AGAP1: variants seen among roughly 807,000 people sequenced by gnomAD.
The protein encoded by AGAP1 is ArfGAP with GTPase domain, ankyrin repeat and PH domain 1.
Under a neutral mutation model 105.3 loss-of-function variants are expected in AGAP1, and 29 were observed. That is an observed-to-expected ratio of 0.28 (90% CI 0.21 to 0.38). AGAP1 has a LOEUF of 0.38. AGAP1 is among the 10% of genes least tolerant of loss of function. AGAP1 has a pLI of 1.00. For synonymous variants in AGAP1, 509 were observed against 485.9 expected, an observed-to-expected ratio of 1.05 and a Z score of -0.63; for missense variants, 998 against 1,165.1, an observed-to-expected ratio of 0.86 and a Z score of 2.09.
At position 235,644,595 on chromosome 2, in the gene AGAP1, C is replaced by T. The variant is rs73122489; in HGVS notation, c.164-64584C>T. ...CACTTGGAGGGAACCATTCAAACAT[C>T]CCTGTTGGGCTAGCATGAGGAAAAG... On this transcript the variant is annotated intron_variant, in intron 1 of 17. Coordinates refer to ENST00000304032, the MANE Select transcript of AGAP1 (RefSeq NM_001037131.3). Among the ~76,000 whole-genome samples, 1,156 of 152,252 alleles carry T rather than the reference C, an allele frequency of 7.6e-3. 18 individuals carry two copies. The highest frequency in any genetic ancestry group is 0.027 in the African/African-American group (1,120 of 41,558).
chr2:236,071,975 A>C (rs943803015), intron 16 of AGAP1, among the ~76,000 whole-genome samples: 3 of 152,298 alleles, frequency 2.0e-5, no homozygotes, highest in East Asian at 3.9e-4. Flanking sequence ...AAGACACCGG[A>C]TGACTCTCCT....
intron 16 of AGAP1, among the ~76,000 whole-genome samples, chr2:236,070,967 TAGAAAAA>T (rs2058480062): frequency 6.6e-6 from 1 of 152,126 alleles, no homozygotes; most frequent in Non-Finnish European, 1.5e-5. Context: ...GCAAAGCTGT[TAGAAAAA>T]AGAAAAGATA....
intron 1 of AGAP1, chr2:235,669,583 C>T (rs1457464947): frequency 6.8e-6 from 1 of 147,970 alleles, no homozygotes; most frequent in Non-Finnish European, 1.5e-5. Context: ...CGTCGGCCCC[C>T]GTCGCCCGCC....
rs950060504 is a variant in AGAP1, at chr2:235,599,060, T to C, written c.163+104211T>C. 3.3e-5 allele frequency among the ~76,000 whole-genome samples: 5 copies of C among 152,138 alleles called. No individual in the cohort carries two copies. The highest frequency in any genetic ancestry group is 1.2e-4 in the African/African-American group (5 of 41,436). On this transcript the variant is annotated intron_variant, in intron 1 of 17. Transcript: ENST00000304032. This position sits in a 1 kb window ranked among gnomAD's most constrained non-coding sequence, Gnocchi z 5.3. ...CTGCTGTCCTCGGAGCAGGTAGGAATGTATTTATTTACTCGCATGCCTTCA... is the reference window on the plus strand; with the variant it reads ...CTGCTGTCCTCGGAGCAGGTAGGAACGTATTTATTTACTCGCATGCCTTCA...
chr2:235,869,083 G>A (rs190623941), intron 9 of AGAP1, among the ~76,000 whole-genome samples: 3 of 152,288 alleles, frequency 2.0e-5, no homozygotes, highest in African/African-American at 4.8e-5. Context: ...ATAATTTGAG[G>A]TGTCACAAAA....
chr2:235,548,920 T>G (rs1303244723), intron 1 of AGAP1, among the ~76,000 whole-genome samples: 3 of 152,230 alleles, frequency 2.0e-5, no homozygotes, highest in Non-Finnish European at 4.4e-5. Context: ...TTCGCTTATA[T>G]TGCCTTTGGC....
At chr2:236,100,761 C>T (rs1378971519) in intron 16 of AGAP1, among the ~76,000 whole-genome samples, 7 of 151,034 alleles carry the variant, frequency 4.6e-5, no homozygotes, top group Non-Finnish European at 1.0e-4. Flanking sequence ...GCCCAGGAAG[C>T]GGAGGCTGCA....
rs140878132 is a variant in AGAP1 at position 235,823,779 on chromosome 2, A to G, written c.1050+16448A>G. On this transcript the variant is annotated intron_variant, in intron 9 of 17. Coordinates refer to ENST00000304032, the MANE Select transcript of AGAP1 (RefSeq NM_001037131.3). ...GTTTTATCTGTTTTTTTAAATATGC[A>G]AGGGAATAGATAAAAAGCATTACCT... Among the ~76,000 whole-genome samples, 9 of 152,310 alleles carry G rather than the reference A, an allele frequency of 5.9e-5. No homozygotes were observed. The East Asian group carries it at 1.7e-3, about 29-fold the overall frequency.
At position 235,691,253 on chromosome 2, in the gene AGAP1, G is replaced by A. The variant is rs112836776; in HGVS notation, c.164-17926G>A. Among the ~76,000 whole-genome samples, 4,799 of 152,222 alleles carry A rather than the reference G, an allele frequency of 0.032. 254 individuals are homozygous for A. Among genetic ancestry groups the A allele is most frequent in the African/African-American group, 0.11 (4,530 of 41,506 alleles). On this transcript the variant is annotated intron_variant, in intron 1 of 17. Coordinates refer to ENST00000304032, the MANE Select transcript of AGAP1 (RefSeq NM_001037131.3). This position sits in a 1 kb window ranked among gnomAD's most constrained non-coding sequence, Gnocchi z 4.4. Reference sequence around the variant, plus strand: ...ATCAAGCACATGCGCATAGGGCTCTGTGCCTGGCCCCAGGACTGTCATATC... The same window carrying A: ...ATCAAGCACATGCGCATAGGGCTCTATGCCTGGCCCCAGGACTGTCATATC...
At chr2:235,661,122 A>G (rs962296500) in intron 1 of AGAP1, among the ~76,000 whole-genome samples, 7 of 152,132 alleles carry the variant, frequency 4.6e-5, no homozygotes, top group African/African-American at 1.7e-4. Context: ...GTCAGCAAGG[A>G]CGTGTGTGCT....
intron 16 of AGAP1, among the ~76,000 whole-genome samples, chr2:236,070,631 T>C (rs370640574): frequency 2.0e-5 from 3 of 152,348 alleles, no homozygotes; most frequent in East Asian, 1.9e-4. Flanking sequence ...GACTAAAGCA[T>C]TGATGTATAC....
chr2:235,741,149 A>C lies in AGAP1; in HGVS notation c.396+101A>C, dbSNP rs1306007495. Reference sequence around the variant, plus strand: ...GAAATCGGTGACTTGGTTTCCAAAAAAGTGGAAACCCCATAAAAAATGTTT... The same window carrying C: ...GAAATCGGTGACTTGGTTTCCAAAACAGTGGAAACCCCATAAAAAATGTTT... On this transcript the variant is annotated intron_variant, in intron 4 of 17. Transcript: ENST00000304032. This position sits in a 1 kb window ranked among gnomAD's most constrained non-coding sequence, Gnocchi z 4.9. The C allele has an allele frequency of 1.4e-5, 13 of 955,776 alleles. No individual in the cohort carries two copies. The highest frequency in any genetic ancestry group is 1.5e-6 in the Non-Finnish European group (1 of 680,596). 59.2% of individuals were successfully genotyped at this position (955,776 alleles called of 1,614,324 possible).
At chr2:235,496,554 G>C (rs1941327295) in intron 1 of AGAP1, among the ~76,000 whole-genome samples, 1 of 152,196 alleles carries the variant, frequency 6.6e-6, no homozygotes, top group Admixed American at 6.5e-5. Flanking sequence ...GAAGTCTGAT[G>C]AAACACTGTG....
chr2:236,040,496 T>G lies in AGAP1; in HGVS notation c.1801-255T>G. 1.9e-6 allele frequency: 1 copy of G among 525,858 alleles called. No individual in the cohort carries two copies. Among genetic ancestry groups the G allele is most frequent in the Non-Finnish European group, 3.4e-6 (1 of 292,436 alleles). 32.6% of individuals were successfully genotyped at this position (525,858 alleles called of 1,614,324 possible). ...ACAGATGATCCAGAACTCTCCTCTT[T>G]GCTCATTTCTGGCAGAGTCCGTCTC... On this transcript the variant is annotated intron_variant, in intron 14 of 17. Transcript: ENST00000304032. This position sits in a 1 kb window ranked among gnomAD's most constrained non-coding sequence, Gnocchi z 5.6.
At position 235,976,398 on chromosome 2, in the gene AGAP1, G is replaced by A. The variant is rs772695944; in HGVS notation, c.1645+7775G>A. ...CCACAAACACACACAAGCAGTAAGCGCTCTCAGATCCTTTGTGGAAGCCAG... is the reference window on the plus strand; with the variant it reads ...CCACAAACACACACAAGCAGTAAGCACTCTCAGATCCTTTGTGGAAGCCAG... On this transcript the variant is annotated intron_variant, in intron 13 of 17. Coordinates refer to ENST00000304032, the MANE Select transcript of AGAP1 (RefSeq NM_001037131.3). The surrounding 1 kb of genome is among the most constrained non-coding windows in gnomAD (Gnocchi z 4.5). 1.3e-5 allele frequency among the ~76,000 whole-genome samples: 2 copies of A among 152,130 alleles called. No homozygotes were observed. Among genetic ancestry groups the A allele is most frequent in the Admixed American group, 6.5e-5 (1 of 15,278 alleles).
At chr2:235,496,810 C>T (rs1941339115) in intron 1 of AGAP1, among the ~76,000 whole-genome samples, 1 of 151,722 alleles carries the variant, frequency 6.6e-6, no homozygotes, top group South Asian at 2.1e-4. Context: ...TTTGACAGCA[C>T]GATGCCTACC....
At chr2:235,495,110 G>A (rs1279395870) in intron 1 of AGAP1, among the ~76,000 whole-genome samples, 1 of 152,188 alleles carries the variant, frequency 6.6e-6, no homozygotes, top group Non-Finnish European at 1.5e-5. Context: ...GCGGGAAAGT[G>A]GCTCGGTGCC....
chr2:235,838,639 C>T (rs1482109718), intron 9 of AGAP1, among the ~76,000 whole-genome samples: 2 of 152,250 alleles, frequency 1.3e-5, no homozygotes, highest in African/African-American at 4.8e-5. Flanking sequence ...TTTAAAAACT[C>T]ACAACCTAGC....
Position 235,725,107 on chromosome 2 carries a change from G to A in AGAP1, c.310+7463G>A, listed in dbSNP as rs577209891. On this transcript the variant is annotated intron_variant, in intron 3 of 17. Coordinates refer to ENST00000304032, the MANE Select transcript of AGAP1 (RefSeq NM_001037131.3). This position sits in a 1 kb window ranked among gnomAD's most constrained non-coding sequence, Gnocchi z 5.7. ...CTGTTGCTTGTTCCAAGCTGCTGACGCGGTGTGCTGGATGAGAGTTCTACT... is the reference window on the plus strand; with the variant it reads ...CTGTTGCTTGTTCCAAGCTGCTGACACGGTGTGCTGGATGAGAGTTCTACT... Among the ~76,000 whole-genome samples, 7 of 152,236 alleles carry A rather than the reference G, an allele frequency of 4.6e-5. No individual in the cohort carries two copies. Among genetic ancestry groups the A allele is most frequent in the Admixed American group, 1.3e-4 (2 of 15,302 alleles).
Sources: allele counts gnomAD v4.1 joint callset (sites outside exome capture counted in the v4.1 genomes callset), GRCh38; gene constraint gnomAD v4.1.1; non-coding constraint Gnocchi (gnomAD v3.1); transcripts MANE v1.5; gene names NCBI Gene and HGNC (gene_info 2026-07-23, HGNC 2026-07-21).